PTBP3: variants seen among roughly 807,000 people sequenced by gnomAD.
PTBP3 encodes the protein polypyrimidine tract-binding protein 3.
A neutral mutation model predicts 58.7 loss-of-function variants in PTBP3; 20 were observed. That is an observed-to-expected ratio of 0.34 (90% confidence interval 0.24 to 0.50). The LOEUF is 0.50. Among genes scored for constraint, PTBP3 ranks in the 20% least tolerant of loss-of-function variants. The pLI, the probability that PTBP3 is intolerant of heterozygous loss-of-function variation, is 0.98. For synonymous variants in PTBP3, 185 were observed against 219.8 expected, an observed-to-expected ratio of 0.84 and a Z score of 1.40; for missense variants, 509 against 637.2, an observed-to-expected ratio of 0.80 and a Z score of 2.17.
At chr9:112,316,553 C>G (rs915737824) in intron 1 of PTBP3, among the ~76,000 whole-genome samples, 1 of 152,098 alleles carries the variant, frequency 6.6e-6, no homozygotes, top group African/African-American at 2.4e-5. Context: ...ACCAGAAAAC[C>G]CAAGTAACCC....
chr9:112,375,894 G>A, the PTBP3 span, among the ~76,000 whole-genome samples: 10 of 152,142 alleles, frequency 6.6e-5, no homozygotes, highest in Non-Finnish European at 1.2e-4. Context: ...CTCAAAAGGA[G>A]AGTAGTTATC....
chr9:112,351,916 C>G, the PTBP3 span, among the ~76,000 whole-genome samples: 2 of 151,576 alleles, frequency 1.3e-5, no homozygotes, highest in East Asian at 1.9e-4. Flanking sequence ...CTACCTCAGT[C>G]CTAGAATCAG....
In PTBP3 at chr9:112,275,829, T is replaced by C; in HGVS notation, c.204+15A>G. On this transcript the variant is annotated intron_variant, in intron 3 of 13. Transcript: ENST00000374257. ...GGAGATAATCACTCTTTGTCAATCTTTAAATATTACATACCTGGCTTTTTC... is the reference window on the plus strand; with the variant it reads ...GGAGATAATCACTCTTTGTCAATCTCTAAATATTACATACCTGGCTTTTTC... The C allele has an allele frequency of 1.9e-6, 3 of 1,588,408 alleles. No individual in the cohort carries two copies. Among genetic ancestry groups the C allele is most frequent in the Non-Finnish European group, 1.7e-6 (2 of 1,159,314 alleles).
At chr9:112,330,964 C>A (rs1179691211) in intron 1 of PTBP3, among the ~76,000 whole-genome samples, 1 of 152,102 alleles carries the variant, frequency 6.6e-6, no homozygotes, top group Non-Finnish European at 1.5e-5. Context: ...TCTCTCAGAA[C>A]TAAAATAAAT....
intron 7 of PTBP3, 89 bp from the exon 8 acceptor site, chr9:112,234,986 T>TTTCTAGGA: frequency 9.3e-7 from 1 of 1,071,026 alleles, no homozygotes; most frequent in Non-Finnish European, 1.4e-6. Flanking sequence ...GAAAGTATAT[T>TTTCTAGGA]ACTAACAAAG....
intron 7 of PTBP3, among the ~76,000 whole-genome samples, chr9:112,250,438 C>T (rs933402177): frequency 3.9e-5 from 6 of 152,094 alleles, no homozygotes; most frequent in Non-Finnish European, 7.4e-5. Context: ...CAAAATGCAA[C>T]TTCACACAAG....
At chr9:112,318,713 T>A (rs1283425487) in intron 1 of PTBP3, among the ~76,000 whole-genome samples, 1 of 149,012 alleles carries the variant, frequency 6.7e-6, no homozygotes, top group African/African-American at 2.5e-5. Flanking sequence ...TGAGCTGACA[T>A]CCCACTACTG....
Position 112,222,934 on chromosome 9 carries a change from AC to A in PTBP3, c.*916del. On this transcript the variant is annotated 3_prime_UTR_variant, in exon 14 of 14. Transcript: ENST00000374257. Reference sequence around the variant, plus strand: ...AAATAACTTTTAAAAAATCTGTCAAACCATATGATAGACCTGAATATTTTCC... The same window carrying A: ...AAATAACTTTTAAAAAATCTGTCAAACATATGATAGACCTGAATATTTTCC... The A allele has an allele frequency of 2.3e-6, 2 of 864,478 alleles. No homozygotes were observed. The highest frequency in any genetic ancestry group is 2.8e-6 in the Non-Finnish European group (2 of 719,572). 53.6% of individuals were successfully genotyped at this position (864,478 alleles called of 1,614,324 possible).
intron 1 of PTBP3, among the ~76,000 whole-genome samples, chr9:112,309,578 G>A (rs1157032565): frequency 6.6e-6 from 1 of 152,084 alleles, no homozygotes; most frequent in Non-Finnish European, 1.5e-5. Context: ...CTGAGGTCAG[G>A]AGTTTGAGAC....
intron 7 of PTBP3, among the ~76,000 whole-genome samples, chr9:112,244,666 A>C (rs568860646): frequency 6.6e-6 from 1 of 152,132 alleles, no homozygotes. Context: ...CGACTGAGCA[A>C]AACCCTGTCT....
At chr9:112,267,000 T>C (rs1433268725) in intron 4 of PTBP3, among the ~76,000 whole-genome samples, 2 of 152,274 alleles carry the variant, frequency 1.3e-5, no homozygotes, top group Non-Finnish European at 2.9e-5. Context: ...TTAAGGATTA[T>C]ATGCAGTAAA....
intron 1 of PTBP3, among the ~76,000 whole-genome samples, chr9:112,329,207 T>TG (rs2132483204): frequency 6.6e-6 from 1 of 152,266 alleles, no homozygotes; most frequent in East Asian, 1.9e-4. Context: ...GGTCAGGAGT[T>TG]GGAGACCAGC....
chr9:112,293,786 G>T (rs146438959), intron 2 of PTBP3, among the ~76,000 whole-genome samples: 2 of 152,182 alleles, frequency 1.3e-5, no homozygotes. Context: ...GGGTATGATG[G>T]AAAGAGAGTA....
chr9:112,291,909 T>G (rs1001949172), intron 2 of PTBP3, among the ~76,000 whole-genome samples: 5 of 151,796 alleles, frequency 3.3e-5, no homozygotes, highest in Non-Finnish European at 4.4e-5. Context: ...GCAACGGAAA[T>G]AACAGAGTAA....
the PTBP3 span, among the ~76,000 whole-genome samples, chr9:112,348,539 GC>G: frequency 4.6e-5 from 7 of 152,382 alleles, no homozygotes; most frequent in South Asian, 6.2e-4. Flanking sequence ...CCAAGTGTTA[GC>G]AAGCCACTGC....
chr9:112,362,859 G>A, the PTBP3 span: 2 of 336,540 alleles, frequency 5.9e-6, no homozygotes, highest in Non-Finnish European at 1.1e-5. Context: ...AGATTCAAGG[G>A]CCAGATCTTG....
the PTBP3 span, among the ~76,000 whole-genome samples, chr9:112,368,030 T>C: frequency 6.6e-6 from 1 of 152,208 alleles, no homozygotes; most frequent in Admixed American, 6.5e-5. Context: ...AGTCTCACTC[T>C]GTCACCCAGG....
chr9:112,272,366 T>C (rs1827426079), intron 3 of PTBP3, among the ~76,000 whole-genome samples: 2 of 152,280 alleles, frequency 1.3e-5, no homozygotes, highest in Non-Finnish European at 2.9e-5. Flanking sequence ...TGCCCAGCCT[T>C]TGTCGCCCTA....
intron 1 of PTBP3, among the ~76,000 whole-genome samples, chr9:112,300,367 C>T (rs549683973): frequency 4.6e-5 from 7 of 152,254 alleles, no homozygotes; most frequent in Admixed American, 2.0e-4. Context: ...TGCAGAATAA[C>T]TGAGTAAATG....
Sources: allele counts gnomAD v4.1 joint callset (sites outside exome capture counted in the v4.1 genomes callset), GRCh38; gene constraint gnomAD v4.1.1; transcripts MANE v1.5; gene names NCBI Gene and HGNC (gene_info 2026-07-23, HGNC 2026-07-21).